The following UBE3C variants were observed in gnomAD, a reference collection of about 807,000 sequenced individuals.
The protein encoded by UBE3C is ubiquitin protein ligase E3C, also known as ubiquitin-protein ligase E3C.
In UBE3C, 42 loss-of-function variants were observed where a neutral mutation model predicts 129.4. The observed-to-expected ratio is 0.32, with a 90% confidence interval of 0.25 to 0.42. The LOEUF (loss-of-function observed/expected upper bound fraction) is 0.42, where lower values mean the gene tolerates loss of function less well. Ranked by LOEUF, UBE3C falls within the 10% of genes least tolerant of loss-of-function variation. The pLI is 1.00. For missense variants in UBE3C, 1,049 were observed against 1,319.1 expected (o/e 0.80, Z 3.17); for synonymous variants, 510 against 492.4 (o/e 1.04, Z -0.47).
At chr7:157,254,608 G>A (rs905548449) in intron 21 of UBE3C, among the ~76,000 whole-genome samples, 19 of 151,812 alleles carry the variant, frequency 1.3e-4, no homozygotes, top group Non-Finnish European at 2.8e-4. Context: ...ATGTTGGCCA[G>A]GCTGGTTTCA....
intron 2 of UBE3C, among the ~76,000 whole-genome samples, chr7:157,167,141 G>GCC (rs1808239522): frequency 6.6e-6 from 1 of 152,118 alleles, no homozygotes. Context: ...ATGTTGGCCA[G>GCC]GCTGGTCTGG....
chr7:157,176,124 A>G (rs10479650), intron 5 of UBE3C, among the ~76,000 whole-genome samples: 26,063 of 152,158 alleles, frequency 0.17, 2,481 homozygotes, highest in East Asian at 0.36. Flanking sequence ...ATATGTAAAT[A>G]TAATTATTCT....
At chr7:157,206,793 A>AAG (rs10678811) in intron 11 of UBE3C, among the ~76,000 whole-genome samples, 72,046 of 151,772 alleles carry the variant, frequency 0.47, 19,692 homozygotes, top group African/African-American at 0.77. Context: ...TGATGGGTGA[A>AAG]AGGCTGCTGA....
At chr7:157,240,505 G>A (rs566653463) in intron 18 of UBE3C, among the ~76,000 whole-genome samples, 33 of 152,306 alleles carry the variant, frequency 2.2e-4, no homozygotes, top group African/African-American at 7.7e-4. Context: ...GACCAGCCGT[G>A]TGGGTTACTT....
rs1034688594 is a variant in UBE3C, at chr7:157,138,976, G to C, written c.-297G>C. ...CTTCCCTCCCGAGGCGGCAGTTCCA[G>C]GTGCAAGCGCCGGGTTTGCTGCCCG... is the stretch of plus-strand genomic sequence containing the variant. On this transcript the variant is annotated 5_prime_UTR_variant, in exon 1 of 23. Transcript: ENST00000348165. 3.3e-5 allele frequency: 5 copies of C among 152,676 alleles called. No individual in the cohort carries two copies. Among genetic ancestry groups the C allele is most frequent in the Admixed American group, 2.6e-4 (4 of 15,270 alleles). The allele number at this position is 152,676 out of a possible 1,614,324, so 9.5% of individuals were successfully genotyped here.
At chr7:157,225,075 C>T (rs527793045) in intron 16 of UBE3C, among the ~76,000 whole-genome samples, 44 of 152,134 alleles carry the variant, frequency 2.9e-4, no homozygotes, top group Admixed American at 9.2e-4. Context: ...AGTGCAGTGG[C>T]GCCTGCAACC....
At chr7:157,211,638 A>T (rs1280640080) in intron 13 of UBE3C, among the ~76,000 whole-genome samples, 1 of 152,114 alleles carries the variant, frequency 6.6e-6, no homozygotes, top group Admixed American at 6.6e-5. Flanking sequence ...AAATGGGTTA[A>T]CAAGTGGTAA....
chr7:157,266,039 G>A (rs991139300), intron 22 of UBE3C, among the ~76,000 whole-genome samples: 10 of 152,204 alleles, frequency 6.6e-5, no homozygotes, highest in African/African-American at 2.4e-4. Context: ...CTGGGGCCGG[G>A]CACGGTGGCT....
intron 22 of UBE3C, among the ~76,000 whole-genome samples, chr7:157,264,702 G>C (rs1286965591): frequency 1.3e-5 from 2 of 152,124 alleles, no homozygotes. Flanking sequence ...CCGAGTAATT[G>C]GAATTATTAC....
intron 19 of UBE3C, among the ~76,000 whole-genome samples, chr7:157,250,179 C>G (rs906180675): frequency 6.6e-6 from 1 of 152,098 alleles, no homozygotes; most frequent in East Asian, 1.9e-4. Flanking sequence ...GGAGCTCATA[C>G]ACTGTTCTGT....
rs1054538679 is a variant in UBE3C at position 157,207,332 on chromosome 7, A to C, written c.1419-66A>C. The C allele has an allele frequency of 1.9e-6, 3 of 1,558,912 alleles. No individual in the cohort carries two copies. In the African/African-American group the frequency reaches 4.2e-5, roughly 22 times the overall value. ...TTATATTTGTTTGATGTTATGTTTTAATTAGTTCCCAAACTAAGACTAATT... is the reference window on the plus strand; with the variant it reads ...TTATATTTGTTTGATGTTATGTTTTCATTAGTTCCCAAACTAAGACTAATT... On this transcript the variant is annotated intron_variant, in intron 11 of 22. Transcript: ENST00000348165.
At chr7:157,159,533 A>C (rs949522412) in intron 1 of UBE3C, among the ~76,000 whole-genome samples, 1 of 152,192 alleles carries the variant, frequency 6.6e-6, no homozygotes, top group Non-Finnish European at 1.5e-5. Flanking sequence ...TTTGGTTAGG[A>C]ATTCCTTTTC....
At chr7:157,195,065 G>T (rs1809079393) in intron 10 of UBE3C, among the ~76,000 whole-genome samples, 2 of 152,328 alleles carry the variant, frequency 1.3e-5, no homozygotes, top group Non-Finnish European at 2.9e-5. Flanking sequence ...ATGAAGGTAT[G>T]GCTGTATAAC....
At chr7:157,164,457 T>C (rs753946353) in intron 2 of UBE3C, 1 of 456,678 alleles carries the variant, frequency 2.2e-6, no homozygotes, top group South Asian at 1.5e-5. Context: ...GTCTGGCTGA[T>C]GATGTTGATG....
chr7:157,248,584 A>G lies in UBE3C; in HGVS notation c.2694+4A>G. On this transcript the variant is annotated splice_donor_region_variant and intron_variant, in intron 19 of 22. Coordinates refer to ENST00000348165, the MANE Select transcript of UBE3C (RefSeq NM_014671.3). ...CAATGACCTGGGAGAGGCGCAGGTG[A>G]GGGGTCAGGAGGAGGATTCACATAC... The G allele has an allele frequency of 1.2e-6, 2 of 1,612,036 alleles. No individual in the cohort carries two copies. Among genetic ancestry groups the G allele is most frequent in the Admixed American group, 3.3e-5 (2 of 59,994 alleles).
rs535229579 is a variant in UBE3C at position 157,203,813 on chromosome 7, T to A, written c.1418+2006T>A. Reference sequence around the variant, plus strand: ...ATGCGTTCCCAATACAGATACTCCTTGAGGTACAATGGGGCTTTGTCCTGA... The same window carrying A: ...ATGCGTTCCCAATACAGATACTCCTAGAGGTACAATGGGGCTTTGTCCTGA... On this transcript the variant is annotated intron_variant, in intron 11 of 22. Coordinates refer to ENST00000348165, the MANE Select transcript of UBE3C (RefSeq NM_014671.3). Among the ~76,000 whole-genome samples the A allele has an allele frequency of 9.9e-5, 15 of 152,276 alleles. No individual in the cohort carries two copies. The South Asian group carries it at 3.1e-3, about 32-fold the overall frequency.
chr7:157,187,170 T>C, intron 10 of UBE3C, 149 bp downstream of exon 10: 1 of 1,068,694 alleles, frequency 9.4e-7, no homozygotes, highest in Non-Finnish European at 1.3e-6. Context: ...TCATAAAAAA[T>C]AATTTGTGTT....
At chr7:157,143,721 G>A (rs1236909218) in intron 1 of UBE3C, among the ~76,000 whole-genome samples, 3 of 152,104 alleles carry the variant, frequency 2.0e-5, no homozygotes, top group Non-Finnish European at 2.9e-5. Flanking sequence ...TTCAAGAAGC[G>A]GGGAGTGGTC....
At chr7:157,166,785 C>A (rs1808226815) in intron 2 of UBE3C, among the ~76,000 whole-genome samples, 1 of 150,218 alleles carries the variant, frequency 6.7e-6, no homozygotes, top group Non-Finnish European at 1.5e-5. Flanking sequence ...TTCAAAATTT[C>A]TATTTGATTA....
Sources: allele counts gnomAD v4.1 joint callset (sites outside exome capture counted in the v4.1 genomes callset), GRCh38; gene constraint gnomAD v4.1.1; transcripts MANE v1.5; gene names NCBI Gene and HGNC (gene_info 2026-07-23, HGNC 2026-07-21).